The following LYAR variants were observed in gnomAD, a reference collection of about 807,000 sequenced individuals.
LYAR encodes the protein cell growth-regulating nucleolar protein.
In LYAR, 37 loss-of-function variants were observed where a neutral mutation model predicts 45.2. That is an observed-to-expected ratio of 0.82 (90% CI 0.63 to 1.08). The LOEUF is 1.08. Among genes scored for constraint, LYAR ranks in the 50% least tolerant of loss-of-function variants. LYAR has a pLI of 0.00. For missense variants in LYAR, 493 were observed against 451.0 expected, an observed-to-expected ratio of 1.09 and a Z score of -0.84; for synonymous variants, 176 against 155.1, an observed-to-expected ratio of 1.14 and a Z score of -1.00.
intron 8 of LYAR, among the ~76,000 whole-genome samples, chr4:4,273,281 T>G (rs1377345244): frequency 6.6e-6 from 1 of 152,198 alleles, no homozygotes; most frequent in African/African-American, 2.4e-5. Flanking sequence ...AGAACTGATT[T>G]TACTTTCAAA....
rs764345422 is a variant in LYAR, at chr4:4,283,768, C to G, written c.-26G>C. ...TTTTAGGTAAATGGCTAAATATTCT[C>G]TATCCAAGACAGGTTTTAAGTCTTG... is the stretch of plus-strand genomic sequence containing the variant. On this transcript the variant is annotated 5_prime_UTR_variant, in exon 3 of 10. Coordinates refer to ENST00000343470, the MANE Select transcript of LYAR (RefSeq NM_017816.3). 1.3e-6 allele frequency: 2 copies of G among 1,586,574 alleles called. No individual in the cohort carries two copies. The highest frequency in any genetic ancestry group is 1.7e-5 in the Admixed American group (1 of 58,780).
intron 8 of LYAR, among the ~76,000 whole-genome samples, chr4:4,269,718 C>T (rs1718859273): frequency 6.6e-6 from 1 of 152,190 alleles, no homozygotes; most frequent in Non-Finnish European, 1.5e-5. Context: ...AACAGGATCT[C>T]ACACCTTACA....
chr4:4,275,705 G>A (rs368603262), intron 6 of LYAR, among the ~76,000 whole-genome samples: 2 of 100,694 alleles, frequency 2.0e-5, no homozygotes, highest in African/African-American at 7.6e-5. Context: ...CCTCATTTAT[G>A]TATTTTTTTT....
At chr4:4,274,876 TG>T in intron 6 of LYAR, 107 bp from the exon 7 acceptor site, 1 of 1,121,668 alleles carries the variant, frequency 8.9e-7, no homozygotes, top group Non-Finnish European at 1.3e-6. Context: ...GAAAAACGGT[TG>T]GTTTAATCCC....
rs778434640 is a variant in LYAR, at chr4:4,268,028, A to G, written c.1006-5T>C. 1 of 1,568,098 alleles carries G rather than the reference A, an allele frequency of 6.4e-7. No individual in the cohort carries two copies. The highest frequency in any genetic ancestry group is 1.2e-5 in the South Asian group (1 of 83,204). ...TGTGTAGTACTGAGCTAAAACCTTCACAAAGAAAAACATCAAATGAGTGTA... is the reference window on the plus strand; with the variant it reads ...TGTGTAGTACTGAGCTAAAACCTTCGCAAAGAAAAACATCAAATGAGTGTA... On this transcript the variant is annotated splice_polypyrimidine_tract_variant and splice_region_variant and intron_variant, in intron 9 of 9. Coordinates refer to ENST00000343470, the MANE Select transcript of LYAR (RefSeq NM_017816.3).
chr4:4,289,268 A>G (rs1719756545), intron 1 of LYAR, among the ~76,000 whole-genome samples: 1 of 152,214 alleles, frequency 6.6e-6, no homozygotes. Flanking sequence ...CGGCATCACC[A>G]GCACTGTTTT....
chr4:4,269,388 C>A (rs1343836996), intron 8 of LYAR, among the ~76,000 whole-genome samples: 1 of 152,230 alleles, frequency 6.6e-6, no homozygotes, highest in Non-Finnish European at 1.5e-5. Flanking sequence ...CCACCCCCAC[C>A]CGCACCAGCA....
chr4:4,281,990 T>C (rs931739748), intron 3 of LYAR, 93 bp from the exon 4 acceptor site: 2 of 753,832 alleles, frequency 2.7e-6, no homozygotes, highest in South Asian at 3.2e-5. Flanking sequence ...TGGTCTACAC[T>C]GTATATTTTC....
intron 8 of LYAR, among the ~76,000 whole-genome samples, chr4:4,272,131 C>T (rs113040116): frequency 5.9e-5 from 9 of 152,242 alleles, no homozygotes; most frequent in African/African-American, 1.9e-4. Context: ...GGCAGCCTTG[C>T]GCAATGGCGA....
intron 6 of LYAR, among the ~76,000 whole-genome samples, chr4:4,275,886 G>A (rs1185320905): frequency 1.3e-5 from 2 of 152,140 alleles, no homozygotes; most frequent in Non-Finnish European, 2.9e-5. Flanking sequence ...AGTAGAGACA[G>A]GGTTTCACCA....
intron 6 of LYAR, among the ~76,000 whole-genome samples, chr4:4,278,502 C>G (rs1719277018): frequency 6.6e-6 from 1 of 152,172 alleles, no homozygotes. Flanking sequence ...TCTCCTTCTA[C>G]CAGAAGGAAG....
At position 4,283,748 on chromosome 4, in the gene LYAR, G is replaced by T; in HGVS notation, c.-6C>A. 4 of 1,605,718 alleles carry T rather than the reference G, an allele frequency of 2.5e-6. No individual in the cohort carries two copies. The highest frequency in any genetic ancestry group is 3.4e-6 in the Non-Finnish European group (4 of 1,176,504). On this transcript the variant is annotated 5_prime_UTR_variant, in exon 3 of 10. Transcript: ENST00000343470. ...TTGCATGTAAAAAATACCATTTTTA[G>T]GTAAATGGCTAAATATTCTCTATCC...
intron 8 of LYAR, chr4:4,268,875 G>T (rs774699188): frequency 4.5e-5 from 15 of 335,312 alleles, no homozygotes; most frequent in Non-Finnish European, 7.0e-5. Context: ...TGTATGTAAT[G>T]AACTCAACAC....
At chr4:4,284,819 T>C (rs1719541788) in intron 2 of LYAR, among the ~76,000 whole-genome samples, 1 of 152,232 alleles carries the variant, frequency 6.6e-6, no homozygotes, top group Non-Finnish European at 1.5e-5. Context: ...CAGAGCTTTC[T>C]TCCTCATTAG....
chr4:4,274,371 C>G lies in LYAR; in HGVS notation c.828G>C (p.Ser276=). ...GAGCGTGAGCTAGCCACTTACCTTCCGAGTGCCTCCGCTTCCTCTTCCCTG... is the reference window on the plus strand; with the variant it reads ...GAGCGTGAGCTAGCCACTTACCTTCGGAGTGCCTCCGCTTCCTCTTCCCTG... The part of the protein sequence containing the change: ...VGAGKRKRRH[S]EVETDSKKKK... The change falls in exon 7 of 10, where the codon TCG becomes TCC. Residue 276 remains serine, a synonymous_variant. Coordinates refer to ENST00000343470, the MANE Select transcript of LYAR (RefSeq NM_017816.3). 6.2e-7 allele frequency: 1 copy of G among 1,608,618 alleles called. No homozygotes were observed. Among genetic ancestry groups the G allele is most frequent in the Non-Finnish European group, 8.5e-7 (1 of 1,176,858 alleles).
intron 2 of LYAR, among the ~76,000 whole-genome samples, chr4:4,285,925 C>G (rs560654160): frequency 2.7e-4 from 41 of 152,272 alleles, no homozygotes; most frequent in African/African-American, 7.9e-4. Flanking sequence ...AGTAACTGTG[C>G]CAAACATTCT....
At chr4:4,285,818 C>G (rs555003142) in intron 2 of LYAR, among the ~76,000 whole-genome samples, 1 of 152,150 alleles carries the variant, frequency 6.6e-6, no homozygotes, top group Non-Finnish European at 1.5e-5. Context: ...GATTCCTGTC[C>G]CAGCAGGAAT....
At chr4:4,286,732 C>G (rs532917209) in intron 1 of LYAR, among the ~76,000 whole-genome samples, 160 bp from the exon 2 acceptor site, 7 of 150,932 alleles carry the variant, frequency 4.6e-5, no homozygotes, top group Admixed American at 6.6e-5. Flanking sequence ...CTGCAAGCTC[C>G]GCCTCCCGGG....
At chr4:4,276,543 C>CAAA (rs55900346) in intron 6 of LYAR, among the ~76,000 whole-genome samples, 58 of 131,460 alleles carry the variant, frequency 4.4e-4, no homozygotes, top group Middle Eastern at 4.0e-3. Context: ...AACTCTGTCT[C>CAAA]AAAAAAAAAA....
Sources: gnomAD v4.1 joint callset for allele counts (sites outside exome capture counted in the v4.1 genomes callset) on GRCh38, gnomAD v4.1.1 for gene constraint, MANE v1.5 for transcripts, NCBI Gene and HGNC (gene_info 2026-07-23, HGNC 2026-07-21) for gene names.